STXBP5L: variants seen among roughly 807,000 people sequenced by gnomAD.
STXBP5L encodes the protein syntaxin-binding protein 5-like.
Under a neutral mutation model 144.5 loss-of-function variants are expected in STXBP5L, and 65 were observed. That is an observed-to-expected ratio of 0.45 (90% CI 0.37 to 0.55). The LOEUF is 0.55. Among genes scored for constraint, STXBP5L ranks in the 20% least tolerant of loss-of-function variants. The pLI is 0.00. For synonymous variants in STXBP5L, 505 were observed against 469.6 expected (o/e 1.08, Z -0.97); for missense variants, 1,298 against 1,405.5 (o/e 0.92, Z 1.22).
chr3:120,966,236 G>A (rs535487492), intron 3 of STXBP5L, among the ~76,000 whole-genome samples: 19 of 152,088 alleles, frequency 1.2e-4, no homozygotes, highest in Non-Finnish European at 2.4e-4. Context: ...TCCTCCTTTA[G>A]CTCGGAGAAG....
At chr3:121,397,582 A>T (rs1185569250) in intron 22 of STXBP5L, among the ~76,000 whole-genome samples, 4 of 152,096 alleles carry the variant, frequency 2.6e-5, no homozygotes, top group African/African-American at 9.7e-5. Flanking sequence ...TGGTGGGAAC[A>T]TCGTCTTTCC....
chr3:121,374,090 G>A (rs541869800), intron 20 of STXBP5L, among the ~76,000 whole-genome samples: 1 of 152,126 alleles, frequency 6.6e-6, no homozygotes, highest in South Asian at 2.1e-4. Context: ...CCCACCAAGA[G>A]GCCTGAGGAC....
chr3:121,272,823 C>G (rs962845273), intron 18 of STXBP5L, among the ~76,000 whole-genome samples: 1 of 151,986 alleles, frequency 6.6e-6, no homozygotes, highest in Non-Finnish European at 1.5e-5. Context: ...CGTGGAACAT[C>G]TTATACTTAA....
chr3:120,976,656 T>C lies in STXBP5L; in HGVS notation c.287+21619T>C, dbSNP rs1941062667. Among the ~76,000 whole-genome samples the C allele has an allele frequency of 2.0e-5, 3 of 152,310 alleles. No homozygotes were observed. In the South Asian group the frequency reaches 6.2e-4, roughly 32 times the overall value. ...GATGTTAGGGTGTCAATTTTGGATCTTTCCTGCTTTCTCTTGTGGGCATTT... is the reference window on the plus strand; with the variant it reads ...GATGTTAGGGTGTCAATTTTGGATCCTTCCTGCTTTCTCTTGTGGGCATTT... On this transcript the variant is annotated intron_variant, in intron 3 of 26. Transcript: ENST00000471454.
chr3:121,175,227 T>C (rs573834896), intron 9 of STXBP5L, among the ~76,000 whole-genome samples: 24 of 152,172 alleles, frequency 1.6e-4, no homozygotes, highest in Admixed American at 4.6e-4. Context: ...CTCTGGCAAA[T>C]AGCCCATGCC....
In STXBP5L at chr3:121,011,506, A is replaced by T. The variant is rs374183363; in HGVS notation, c.288-30194A>T. Among the ~76,000 whole-genome samples the T allele has an allele frequency of 3.3e-5, 5 of 151,744 alleles. No individual in the cohort carries two copies. The East Asian group carries it at 5.8e-4, about 18-fold the overall frequency. Reference sequence around the variant, plus strand: ...CAAGTGATACTAGTGCGCCACTATCAGTTCTTGGTACCCTCTATTCCTCTC... The same window carrying T: ...CAAGTGATACTAGTGCGCCACTATCTGTTCTTGGTACCCTCTATTCCTCTC... On this transcript the variant is annotated intron_variant, in intron 3 of 26. Transcript: ENST00000471454.
chr3:120,993,482 C>T (rs890125548), intron 3 of STXBP5L, among the ~76,000 whole-genome samples: 8 of 151,880 alleles, frequency 5.3e-5, no homozygotes, highest in Non-Finnish European at 1.0e-4. Context: ...TTGAGTTTTG[C>T]GTATTCTGAG....
intron 2 of STXBP5L, among the ~76,000 whole-genome samples, chr3:120,939,851 G>A (rs1710474474): frequency 6.6e-6 from 1 of 152,108 alleles, no homozygotes; most frequent in Non-Finnish European, 1.5e-5. Flanking sequence ...GATGGAATTG[G>A]AAGGGGACCT....
rs199653810 is a variant in STXBP5L, at chr3:120,914,916, C to CA, written c.189+5149_189+5150insA. 6.1e-3 allele frequency among the ~76,000 whole-genome samples: 925 copies of CA among 152,206 alleles called. 7 individuals carry two copies. Among genetic ancestry groups the CA allele is most frequent in the Admixed American group, 0.013 (201 of 15,298 alleles). On this transcript the variant is annotated intron_variant, in intron 2 of 26. Coordinates refer to ENST00000471454, the MANE Select transcript of STXBP5L (RefSeq NM_001308330.2). ...GAAACCAAAGCCAGATGACTCAGTA[C>CA]TCCAGGCTGTCTGCTTTGCTTATCC...
At chr3:121,237,131 A>G (rs2049507874) in intron 12 of STXBP5L, among the ~76,000 whole-genome samples, 1 of 152,214 alleles carries the variant, frequency 6.6e-6, no homozygotes, top group African/African-American at 2.4e-5. Context: ...CTGAGGTTGC[A>G]CACTGCTGGC....
At chr3:121,129,006 G>A (rs2044845935) in intron 7 of STXBP5L, among the ~76,000 whole-genome samples, 1 of 152,006 alleles carries the variant, frequency 6.6e-6, no homozygotes, top group Admixed American at 6.6e-5. Context: ...TAGATATAGG[G>A]TCAGAGCAGA....
At chr3:121,267,788 C>T (rs1273746750) in intron 18 of STXBP5L, among the ~76,000 whole-genome samples, 3 of 151,898 alleles carry the variant, frequency 2.0e-5, no homozygotes, top group Non-Finnish European at 4.4e-5. Context: ...TTTATGCAGC[C>T]AACAAATATA....
intron 9 of STXBP5L, among the ~76,000 whole-genome samples, chr3:121,163,977 A>T (rs2046411502): frequency 6.6e-6 from 1 of 152,188 alleles, no homozygotes; most frequent in Non-Finnish European, 1.5e-5. Context: ...AGCAATTTAA[A>T]GTATAAGCTT....
chr3:121,072,758 G>T (rs2041859600), intron 5 of STXBP5L, among the ~76,000 whole-genome samples: 1 of 152,152 alleles, frequency 6.6e-6, no homozygotes, highest in Admixed American at 6.5e-5. Flanking sequence ...CCTGTTTGTT[G>T]TTCTTTGCAA....
chr3:121,189,118 T>C (rs1306792984), intron 9 of STXBP5L, among the ~76,000 whole-genome samples: 2 of 152,184 alleles, frequency 1.3e-5, no homozygotes, highest in East Asian at 3.8e-4. Context: ...ATTCTGGATA[T>C]TAGCCCTTTG....
chr3:121,230,420 A>G (rs1451578570), intron 11 of STXBP5L, among the ~76,000 whole-genome samples: 1 of 151,456 alleles, frequency 6.6e-6, no homozygotes, highest in African/African-American at 2.4e-5. Flanking sequence ...ATAGACAAAT[A>G]CAACCAGACT....
chr3:121,341,264 C>G (rs1037702349), intron 20 of STXBP5L, among the ~76,000 whole-genome samples: 5 of 152,102 alleles, frequency 3.3e-5, no homozygotes, highest in African/African-American at 4.8e-5. Context: ...ATGTGCTCAA[C>G]AAGCACATAA....
rs749601382 is a variant in STXBP5L at position 121,257,282 on chromosome 3, C to G, written c.1781C>G (p.Thr594Ser). 6.2e-7 allele frequency: 1 copy of G among 1,613,674 alleles called. No homozygotes were observed. Residue 594 changes from threonine (T) to serine (S), a missense_variant, in exon 17 of 27, where the codon ACT (threonine) becomes AGT (serine). By Grantham distance (58) the Thr-to-Ser change is moderately conservative (BLOSUM62 1). Transcript: ENST00000471454. ...TCTTCAAGGAGTCTTTCTGGGAGCA[C>G]TAACACTGTTGCTAGTGAAGGAGTA... ...LPSSRSLSGS[T>S]NTVASEGVTK...
intron 2 of STXBP5L, among the ~76,000 whole-genome samples, chr3:120,939,674 C>T (rs1710462933): frequency 1.3e-5 from 2 of 152,166 alleles, no homozygotes; most frequent in African/African-American, 4.8e-5. Context: ...AGTTAGATAA[C>T]TAATCTTTTT....
Sources: gnomAD v4.1 joint callset for allele counts (sites outside exome capture counted in the v4.1 genomes callset) on GRCh38, gnomAD v4.1.1 for gene constraint, MANE v1.5 for transcripts, NCBI Gene and HGNC (gene_info 2026-07-23, HGNC 2026-07-21) for gene names.